Variants in SF3B2 observed in about 807,000 individuals in gnomAD.
SF3B2 encodes the protein SAP 145.
A neutral mutation model predicts 116.3 loss-of-function variants in SF3B2; 22 were observed. That is an observed-to-expected ratio of 0.19 (90% CI 0.14 to 0.27). The LOEUF (loss-of-function observed/expected upper bound fraction) is 0.27. Ranked by LOEUF, SF3B2 falls within the 10% of genes least tolerant of loss-of-function variation. The probability of loss-of-function intolerance (pLI) is 1.00; values close to 1 mark genes in which losing one functional copy is unlikely to be tolerated. For missense variants in SF3B2, 767 were observed against 1,151.4 expected (o/e 0.67, Z 4.83); for synonymous variants, 406 against 421.6 (o/e 0.96, Z 0.45).
chr11:66,055,494 T>G (rs759012522), intron 4 of SF3B2, 41 bp from the exon 5 acceptor site: 1 of 1,611,124 alleles, frequency 6.2e-7, no homozygotes. Flanking sequence ...GATTGGCGTG[T>G]TGGGTATTGG....
rs373114844 is a variant in SF3B2, at chr11:66,059,226, A to G, written c.1208A>G (p.Lys403Arg). 97 of 1,613,944 alleles carry G rather than the reference A, an allele frequency of 6.0e-5. No homozygotes were observed. Among genetic ancestry groups the G allele is most frequent in the Non-Finnish European group, 7.5e-5 (89 of 1,180,012 alleles). Residue 403 changes from lysine to arginine, a missense_variant, in exon 11 of 22, where the codon AAA becomes AGA. Physicochemically the swap from Lys to Arg is conservative, Grantham distance 26. Coordinates refer to ENST00000322535, the MANE Select transcript of SF3B2 (RefSeq NM_006842.3). This position sits in a 1 kb window ranked among gnomAD's most constrained non-coding sequence, Gnocchi z 5.0. ...CTCACTGATGATGTGAAGAAGGAGA[A>G]AGAGAAGGAGCCAGAGAAACTTGAC... ...FKLTDDVKKEKEKEPEKLDKL... is the reference protein window; with the variant it reads ...FKLTDDVKKEREKEPEKLDKL...
At position 66,052,408 on chromosome 11, in the gene SF3B2, T is replaced by C. The variant is rs749574567; in HGVS notation, c.24T>C (p.Pro8=). ...AGATGGCGACGGAGCATCCCGAGCC[T>C]CCCAAAGCAGAATTGCAGCTGCCGC... MATEHPE[P]PKAELQLPPP... Residue 8 remains proline (P), a synonymous_variant, in exon 1 of 22, where the codon CCT becomes CCC. Coordinates refer to ENST00000322535, the MANE Select transcript of SF3B2 (RefSeq NM_006842.3). The C allele has an allele frequency of 6.2e-7, 1 of 1,612,392 alleles. No homozygotes were observed. Among genetic ancestry groups the C allele is most frequent in the South Asian group, 1.1e-5 (1 of 91,020 alleles).
intron 16 of SF3B2, 148 bp from the exon 17 acceptor site, chr11:66,062,861 T>C (rs924604534): frequency 4.2e-6 from 2 of 471,070 alleles, no homozygotes; most frequent in Non-Finnish European, 7.5e-6. Context: ...TGGTTTCTAA[T>C]GCTTCATAAC....
chr11:66,068,688 A>G lies in SF3B2; in HGVS notation c.2631A>G (p.Lys877=), dbSNP rs1857236387. The G allele has an allele frequency of 1.2e-6, 2 of 1,613,912 alleles. No homozygotes were observed. Among genetic ancestry groups the G allele is most frequent in the South Asian group, 1.1e-5 (1 of 91,080 alleles). ...TCCCTATACAGCAAAAAAAACGGAA[A>G]GCTCAGCCCCAGGACAGCCGTGGGG... The part of the protein sequence containing the change: ...HAAKQKQKKR[K]AQPQDSRGGS... Residue 877 remains lysine, a synonymous_variant, in exon 22 of 22, where the codon AAA becomes AAG. Coordinates refer to ENST00000322535, the MANE Select transcript of SF3B2 (RefSeq NM_006842.3).
intron 1 of SF3B2, 33 bp downstream of exon 1, chr11:66,052,550 G>A (rs773812242): frequency 6.3e-7 from 1 of 1,598,294 alleles, no homozygotes; most frequent in Non-Finnish European, 8.5e-7. Flanking sequence ...GGGCCTTTAC[G>A]GGCCTGCGGA....
intron 9 of SF3B2, 119 bp downstream of exon 9, chr11:66,058,524 C>T (rs905253901): frequency 2.7e-6 from 2 of 751,674 alleles, no homozygotes; most frequent in Non-Finnish European, 2.2e-6. Flanking sequence ...TTTCCGCCCT[C>T]AGCATCTTAT....
At chr11:66,064,967 C>G (rs1857156309) in intron 19 of SF3B2, 1 of 151,802 alleles carries the variant, frequency 6.6e-6, no homozygotes, top group African/African-American at 2.4e-5. Context: ...TTTTTTCTTT[C>G]AACACTTTTT....
intron 9 of SF3B2, 140 bp from the exon 10 acceptor site, chr11:66,058,690 G>A (rs557969155): frequency 2.2e-5 from 16 of 733,362 alleles, no homozygotes; most frequent in South Asian, 1.3e-4. Context: ...AGGCCCCTTC[G>A]CAGCTACTTC....
chr11:66,067,297 T>TA, intron 19 of SF3B2: 1 of 410,632 alleles, frequency 2.4e-6, no homozygotes, highest in Admixed American at 2.7e-5. Flanking sequence ...GAGTTTGGAT[T>TA]TTATTCAGAT....
Position 66,059,620 on chromosome 11 carries a change from G to T in SF3B2, c.1401+25G>T, listed in dbSNP as rs1590713167. 6.2e-7 allele frequency: 1 copy of T among 1,611,968 alleles called. No homozygotes were observed. The highest frequency in any genetic ancestry group is 2.2e-5 in the East Asian group (1 of 44,862). On this transcript the variant is annotated intron_variant, in intron 12 of 21. Coordinates refer to ENST00000322535, the MANE Select transcript of SF3B2 (RefSeq NM_006842.3). The surrounding 1 kb of genome is among the most constrained non-coding windows in gnomAD (Gnocchi z 5.0). The stretch of plus-strand genomic sequence containing the variant: ...GGTAAGACCTGAGAGGATCCTGCAG[G>T]CCCTGGAGCCCAGCTGGGAGACCAC...
rs1163431127 is a variant in SF3B2, at chr11:66,063,326, T to G, written c.2086-74T>G. On this transcript the variant is annotated intron_variant, in intron 17 of 21. Coordinates refer to ENST00000322535, the MANE Select transcript of SF3B2 (RefSeq NM_006842.3). ...TATTGTGTTTTGACTCTTACACCCC[T>G]TCAGCTTAAAACAGCCTGGCACATA... The G allele has an allele frequency of 2.1e-6, 3 of 1,454,356 alleles. No individual in the cohort carries two copies. In the South Asian group the frequency reaches 3.9e-5, roughly 19 times the overall value. The allele number at this position is 1,454,356 out of a possible 1,614,324, so 90.1% of individuals were successfully genotyped here. A position where few individuals can be genotyped will look rare whatever the true frequency, so the allele number is the denominator to read the frequency against.
rs1299279648 is a variant in SF3B2, at chr11:66,052,531, G to A, written c.133+14G>A. 1 of 1,610,042 alleles carries A rather than the reference G, an allele frequency of 6.2e-7. No homozygotes were observed. Among genetic ancestry groups the A allele is most frequent in the Non-Finnish European group, 8.5e-7 (1 of 1,177,776 alleles). ...CTCCGATCCAGGGTGAGGAACACAG[G>A]AAGTCGAGGGGCCTTTACGGGCCTG... On this transcript the variant is annotated intron_variant, in intron 1 of 21. Coordinates refer to ENST00000322535, the MANE Select transcript of SF3B2 (RefSeq NM_006842.3).
At chr11:66,060,044 G>C (rs1565089782) in intron 13 of SF3B2, 35 bp downstream of exon 13, 1 of 1,588,970 alleles carries the variant, frequency 6.3e-7, no homozygotes, top group Non-Finnish European at 8.6e-7. Flanking sequence ...CTGCCCCCGG[G>C]TGTCCCCATC....
In SF3B2 at chr11:66,060,572, T is replaced by C; in HGVS notation, c.1630-10T>C. 1 of 1,614,134 alleles carries C rather than the reference T, an allele frequency of 6.2e-7. No individual in the cohort carries two copies. Among genetic ancestry groups the C allele is most frequent in the South Asian group, 1.1e-5 (1 of 91,078 alleles). On this transcript the variant is annotated splice_polypyrimidine_tract_variant and intron_variant, in intron 13 of 21. Coordinates refer to ENST00000322535, the MANE Select transcript of SF3B2 (RefSeq NM_006842.3). ...ACTTGTTAAGGCTTGTTTGCTGCCA[T>C]TCTCCACAGGAAGAACAGAAGACCA...
chr11:66,056,399 CAAAAAAAAAAAA>C lies in SF3B2; in HGVS notation c.550-428_550-417del, dbSNP rs34575917. On this transcript the variant is annotated intron_variant, in intron 5 of 21. Coordinates refer to ENST00000322535, the MANE Select transcript of SF3B2 (RefSeq NM_006842.3). ...TAGGCAACAGAGCCAGACTCTGTCTCAAAAAAAAAAAAAAAAAAAAAAGCCACAAGTCTGGAC... is the reference window on the plus strand; with the variant it reads ...TAGGCAACAGAGCCAGACTCTGTCTCAAAAAAAAAAGCCACAAGTCTGGAC... 2.1e-4 allele frequency among the ~76,000 whole-genome samples: 11 copies of C among 52,178 alleles called. No individual in the cohort carries two copies. In the East Asian group the frequency reaches 6.8e-3, roughly 32 times the overall value. 34.2% of individuals were successfully genotyped at this position (52,178 alleles called of 152,430 possible).
At chr11:66,063,565 C>T in intron 18 of SF3B2, 23 bp downstream of exon 18, 1 of 1,611,602 alleles carries the variant, frequency 6.2e-7, no homozygotes, top group Non-Finnish European at 8.5e-7. Context: ...GAGAATGCCT[C>T]TTGGAAGTGG....
At chr11:66,058,630 A>C (rs1040401147) in intron 9 of SF3B2, 200 bp from the exon 10 acceptor site, 13 of 633,246 alleles carry the variant, frequency 2.1e-5, no homozygotes, top group Non-Finnish European at 3.6e-5. Flanking sequence ...ACAGTAATTT[A>C]CCCAAAGGCA....
chr11:66,063,540 C>T lies in SF3B2; in HGVS notation c.2226C>T (p.Asp742=). 6.2e-7 allele frequency: 1 copy of T among 1,613,262 alleles called. No individual in the cohort carries two copies. Among genetic ancestry groups the T allele is most frequent in the Non-Finnish European group, 8.5e-7 (1 of 1,179,588 alleles). ...AGACAGGCTTTATTACCCCTGCAGA[C>T]AGGTGGGGGAAGCAGAGAATGCCTC... ...PDETGFITPA[D]SGLITPGGFS... Residue 742 remains aspartate, a splice_region_variant and synonymous_variant, in exon 18 of 22, where the codon GAC becomes GAT. Coordinates refer to ENST00000322535, the MANE Select transcript of SF3B2 (RefSeq NM_006842.3).
Position 66,061,967 on chromosome 11 carries a change from A to G in SF3B2, c.1946A>G (p.Lys649Arg). 6.2e-7 allele frequency: 1 copy of G among 1,613,476 alleles called. No individual in the cohort carries two copies. The highest frequency in any genetic ancestry group is 8.5e-7 in the Non-Finnish European group (1 of 1,179,836). The stretch of plus-strand genomic sequence containing the variant: ...CCACCCCCATCGTATCCCAACCTGA[A>G]AATCCCTGGGCTGAACTCGCCCATC... ...YGPPPSYPNL[K>R]IPGLNSPIPE... is the part of the protein sequence containing the mutation. Residue 649 changes from lysine (K) to arginine (R), a missense_variant, in exon 16 of 22, where the codon AAA becomes AGA. Lys to Arg is a conservative substitution (Grantham distance 26). Around this residue, in one of 4 missense-constraint regions of SF3B2, gnomAD observed 282 missense variants for 568.0 expected, o/e 0.50. Coordinates refer to ENST00000322535, the MANE Select transcript of SF3B2 (RefSeq NM_006842.3).
Sources: allele counts gnomAD v4.1 joint callset (sites outside exome capture counted in the v4.1 genomes callset), GRCh38; gene constraint gnomAD v4.1.1; regional missense constraint gnomAD v4.1.1; non-coding constraint Gnocchi (gnomAD v3.1); transcripts MANE v1.5; gene names NCBI Gene and HGNC (gene_info 2026-07-23, HGNC 2026-07-21).